Variants in HNRNPK observed in about 807,000 individuals in gnomAD.
HNRNPK encodes dC-stretch binding protein.
Under a neutral mutation model 67.0 loss-of-function variants are expected in HNRNPK, and 7 were observed. The observed-to-expected ratio is 0.10, with a 90% CI of 0.06 to 0.20. The LOEUF is 0.20. Among genes scored for constraint, HNRNPK ranks in the 10% least tolerant of loss-of-function variants. HNRNPK has a pLI of 1.00. For missense variants in HNRNPK, 264 were observed against 606.5 expected (o/e 0.44, Z 5.93); for synonymous variants, 213 against 193.7 (o/e 1.10, Z -0.83).
At chr9:83,979,475 G>T (rs1022702128) in intron 1 of HNRNPK, among the ~76,000 whole-genome samples, 2 of 152,178 alleles carry the variant, frequency 1.3e-5, no homozygotes, top group Non-Finnish European at 2.9e-5. Flanking sequence ...TCAAAAATCC[G>T]CTAAGTATGT....
chr9:83,971,014 C>G, intron 13 of HNRNPK, 102 bp from the exon 14 acceptor site: 1 of 1,203,594 alleles, frequency 8.3e-7, no homozygotes, highest in Non-Finnish European at 1.2e-6. Flanking sequence ...GCTATGTTGC[C>G]CAGGCTGGTC....
rs753722223 is a variant in HNRNPK, at chr9:83,972,039, G to A, written c.796C>T (p.Pro266Ser). ...RGRGGFDRMP[P>S]GRGGRPMPPS... ...GGCATGGGACGCCCACCCCGACCAG[G>A]AGGCATTCTGTCAAAACCACCTCTT... Residue 266 changes from proline to serine, a missense_variant, in exon 11 of 17, where the codon CCT (proline) becomes TCT (serine). Physicochemically the swap from Pro to Ser is moderately conservative, Grantham distance 74. Around this residue, in one of 6 missense-constraint regions of HNRNPK, gnomAD observed 142 missense variants for 256.5 expected, o/e 0.55. Coordinates refer to ENST00000376263, the MANE Select transcript of HNRNPK (RefSeq NM_031263.4). 3.7e-6 allele frequency: 6 copies of A among 1,613,936 alleles called. No homozygotes were observed. Among genetic ancestry groups the A allele is most frequent in the Non-Finnish European group, 4.2e-6 (5 of 1,179,870 alleles).
In HNRNPK at chr9:83,974,517, C is replaced by A; in HGVS notation, c.330G>T (p.Glu110Asp). ...ILKKIIPTLE[E>D]GLQLPSPTAT... ...TACATTTAAAAAAAAATGAGCCTACCTCTTCCAAGGTAGGGATGATTTTCT... is the reference window on the plus strand; with the variant it reads ...TACATTTAAAAAAAAATGAGCCTACATCTTCCAAGGTAGGGATGATTTTCT... The change falls in exon 7 of 17, where the codon GAG becomes GAT. Residue 110 changes from glutamate (E) to aspartate (D), a missense_variant and splice_region_variant. Glu to Asp is a conservative substitution (Grantham distance 45). Transcript: ENST00000376263. The A allele has an allele frequency of 6.6e-7, 1 of 1,525,940 alleles. No homozygotes were observed. Among genetic ancestry groups the A allele is most frequent in the Non-Finnish European group, 9.0e-7 (1 of 1,107,226 alleles). 94.5% of individuals were successfully genotyped at this position (1,525,940 alleles called of 1,614,324 possible). A position where few individuals can be genotyped will look rare whatever the true frequency, so the allele number is the denominator to read the frequency against.
chr9:83,974,064 T>A, intron 7 of HNRNPK, 91 bp from the exon 8 acceptor site: 2 of 723,358 alleles, frequency 2.8e-6, no homozygotes, highest in Non-Finnish European at 4.7e-6. Context: ...CAACATATTT[T>A]AAATCTATAT....
intron 10 of HNRNPK, 31 bp from the exon 11 acceptor site, chr9:83,972,220 C>A: frequency 6.6e-7 from 1 of 1,515,584 alleles, no homozygotes; most frequent in South Asian, 1.3e-5. Flanking sequence ...AACTTACAGA[C>A]TGAAGAAAAA....
rs201503271 is a variant in HNRNPK at position 83,970,726 on chromosome 9, A to C, written c.1191+11T>G. ...TGATAAAATGTTCCTGGTAGTATTA[A>C]AGATACTTACATCTTTGGGAATAGT... On this transcript the variant is annotated intron_variant, in intron 15 of 16. Transcript: ENST00000376263. 2.1e-6 allele frequency: 3 copies of C among 1,453,932 alleles called. No individual in the cohort carries two copies. Among genetic ancestry groups the C allele is most frequent in the Non-Finnish European group, 2.9e-6 (3 of 1,037,824 alleles). The allele number at this position is 1,453,932 out of a possible 1,614,324, so 90.1% of individuals were successfully genotyped here.
Position 83,968,610 on chromosome 9 carries a change from A to G in HNRNPK, c.*797T>C, listed in dbSNP as rs543981021. 6.5e-6 allele frequency: 1 copy of G among 152,746 alleles called. No individual in the cohort carries two copies. The highest frequency in any genetic ancestry group is 1.5e-5 in the Non-Finnish European group (1 of 68,030). 9.5% of individuals were successfully genotyped at this position (152,746 alleles called of 1,614,324 possible). ...TCCCCACCTTAGTTCTTCACAACTA[A>G]CATAGAAAATTGTTGAAAAGTAGGG... On this transcript the variant is annotated 3_prime_UTR_variant, in exon 17 of 17. Coordinates refer to ENST00000376263, the MANE Select transcript of HNRNPK (RefSeq NM_031263.4).
chr9:83,972,046 T>C lies in HNRNPK; in HGVS notation c.789A>G (p.Arg263=). 1 of 1,613,920 alleles carries C rather than the reference T, an allele frequency of 6.2e-7. No individual in the cohort carries two copies. Among genetic ancestry groups the C allele is most frequent in the Non-Finnish European group, 8.5e-7 (1 of 1,179,860 alleles). The change falls in exon 11 of 17, where the codon AGA becomes AGG. Residue 263 remains arginine (R), a synonymous_variant. Transcript: ENST00000376263. ...FPMRGRGGFD[R]MPPGRGGRPM... Reference sequence around the variant, plus strand: ...GACGCCCACCCCGACCAGGAGGCATTCTGTCAAAACCACCTCTTCCCCGCA... The same window carrying C: ...GACGCCCACCCCGACCAGGAGGCATCCTGTCAAAACCACCTCTTCCCCGCA...
In HNRNPK at chr9:83,970,889, G is replaced by A; in HGVS notation, c.1108+8C>T. On this transcript the variant is annotated splice_region_variant and intron_variant, in intron 14 of 16. Coordinates refer to ENST00000376263, the MANE Select transcript of HNRNPK (RefSeq NM_031263.4). ...TTAATGTTTGACTTCACAAAGGAGA[G>A]AACTTACCATATCCGGAGCCACCCT... 2 of 1,612,764 alleles carry A rather than the reference G, an allele frequency of 1.2e-6. No individual in the cohort carries two copies. Among genetic ancestry groups the A allele is most frequent in the Admixed American group, 1.7e-5 (1 of 60,008 alleles).
In HNRNPK at chr9:83,970,155, A is replaced by C. The variant is rs1048199759; in HGVS notation, c.1361+7T>G. ...ATAAGCTAACACAAAGCTAAACTTA[A>C]ACTGACCTGTTCTGCAGCAAATACT... On this transcript the variant is annotated splice_region_variant and intron_variant, in intron 16 of 16. Coordinates refer to ENST00000376263, the MANE Select transcript of HNRNPK (RefSeq NM_031263.4). 10 of 1,605,926 alleles carry C rather than the reference A, an allele frequency of 6.2e-6. No homozygotes were observed. Among genetic ancestry groups the C allele is most frequent in the African/African-American group, 4.0e-5 (3 of 74,668 alleles).
At chr9:83,972,216 C>G (rs754489197) in intron 10 of HNRNPK, 27 bp from the exon 11 acceptor site, 1 of 1,523,782 alleles carries the variant, frequency 6.6e-7, no homozygotes. Context: ...AACAAACTTA[C>G]AGACTGAAGA....
chr9:83,973,236 T>C (rs1564063739), intron 9 of HNRNPK, 50 bp downstream of exon 9: 1 of 1,087,692 alleles, frequency 9.2e-7, no homozygotes, highest in Non-Finnish European at 1.4e-6. Context: ...CAAGTCTATA[T>C]GAAAATTTAC....
At chr9:83,972,727 A>C (rs1956908258) in intron 10 of HNRNPK, 117 bp downstream of exon 10, 1 of 688,604 alleles carries the variant, frequency 1.5e-6, no homozygotes, top group Non-Finnish European at 2.3e-6. Flanking sequence ...GTGATAGAAA[A>C]TTGCTAGGGA....
rs758327129 is a variant in HNRNPK, at chr9:83,978,280, CTG to C, written c.-27-3_-27-2del. 1.1e-5 allele frequency: 18 copies of C among 1,591,644 alleles called. No homozygotes were observed. Among genetic ancestry groups the C allele is most frequent in the Non-Finnish European group, 2.6e-6 (3 of 1,169,956 alleles). On this transcript the variant is annotated splice_acceptor_variant and splice_polypyrimidine_tract_variant and intron_variant, in intron 2 of 16. Transcript: ENST00000376263. LOFTEE classifies it low-confidence loss of function (5UTR_SPLICE). ...TCTTTTATTAAACGGGCACACCAAT[CTG>C]TGGAAAAATAAAGCAGCTAGTACAT...
chr9:83,978,510 G>T, intron 1 of HNRNPK, 58 bp from the exon 2 acceptor site: 1 of 462,316 alleles, frequency 2.2e-6, no homozygotes, highest in Non-Finnish European at 3.3e-6. Context: ...CTGAATATTT[G>T]TTTCCGATCA....
intron 1 of HNRNPK, among the ~76,000 whole-genome samples, chr9:83,979,892 G>A (rs1313227499): frequency 6.6e-6 from 1 of 152,158 alleles, no homozygotes; most frequent in African/African-American, 2.4e-5. Context: ...CCTCCACGAG[G>A]TCCCTAGTTC....
rs181141777 is a variant in HNRNPK, at chr9:83,970,788, A to G, written c.1140T>C (p.Tyr380=). The change falls in exon 15 of 17, where the codon TAT becomes TAC. Residue 380 remains tyrosine (Y), a synonymous_variant. Coordinates refer to ENST00000376263, the MANE Select transcript of HNRNPK (RefSeq NM_031263.4). ...DYSYAGGRGS[Y]GDLGGPIITT... is the part of the protein sequence containing the mutation. ...TAATAATAGGTCCACCAAGATCACC[A>G]TATGAGCCACGACCCCCTGCATAGG... is the stretch of plus-strand genomic sequence containing the variant. 173 of 1,611,194 alleles carry G rather than the reference A, an allele frequency of 1.1e-4. 2 individuals carry two copies. The East Asian group carries it at 1.7e-3, about 16-fold the overall frequency.
chr9:83,971,179 G>T, intron 13 of HNRNPK, 94 bp downstream of exon 13: 1 of 920,760 alleles, frequency 1.1e-6, no homozygotes, highest in East Asian at 2.4e-5. Flanking sequence ...CCTATTTTCA[G>T]TAAGTATCCT....
intron 16 of HNRNPK, chr9:83,969,893 T>C: frequency 1.6e-6 from 1 of 612,448 alleles, no homozygotes; most frequent in East Asian, 3.7e-5. Context: ...TCTGTACAAT[T>C]TTTAACAAGT....
Sources: gnomAD v4.1 joint callset for allele counts (sites outside exome capture counted in the v4.1 genomes callset) on GRCh38, gnomAD v4.1.1 for gene constraint, gnomAD v4.1.1 regional missense constraint, MANE v1.5 for transcripts, NCBI Gene and HGNC (gene_info 2026-07-23, HGNC 2026-07-21) for gene names.